TYR: variants seen among roughly 807,000 people sequenced by gnomAD.
The protein encoded by TYR is tyrosinase.
In TYR, 58 loss-of-function variants were observed where a neutral mutation model predicts 51.5. That is an observed-to-expected ratio of 1.13 (90% CI 0.91 to 1.40). The LOEUF (loss-of-function observed/expected upper bound fraction) is 1.40, where lower values mean the gene tolerates loss of function less well. Among genes scored for constraint, TYR ranks in the 40% most tolerant of loss-of-function variants. TYR has a pLI of 0.00. For synonymous variants in TYR, 263 were observed against 235.2 expected (o/e 1.12, Z -1.08); for missense variants, 732 against 647.4 (o/e 1.13, Z -1.42).
At chr11:89,195,414 C>G (rs1325848298) in intron 2 of TYR, among the ~76,000 whole-genome samples, 2 of 152,118 alleles carry the variant, frequency 1.3e-5, no homozygotes, top group Non-Finnish European at 2.9e-5. Flanking sequence ...TGTGGTGGCT[C>G]ACGCCTGTAA....
chr11:89,191,719 CA>C (rs554697715), intron 2 of TYR, among the ~76,000 whole-genome samples: 71 of 152,146 alleles, frequency 4.7e-4, no homozygotes, highest in African/African-American at 1.3e-3. Flanking sequence ...ATGATTGTGT[CA>C]CTGCATTCCA....
intron 3 of TYR, among the ~76,000 whole-genome samples, chr11:89,228,288 T>A (rs1041635572): frequency 6.6e-6 from 1 of 152,196 alleles, no homozygotes; most frequent in Non-Finnish European, 1.5e-5. Flanking sequence ...CCCTAGTTTG[T>A]CCTACCTTAA....
At chr11:89,220,241 A>G (rs993011884) in intron 2 of TYR, among the ~76,000 whole-genome samples, 4 of 152,134 alleles carry the variant, frequency 2.6e-5, no homozygotes, top group African/African-American at 7.2e-5. Flanking sequence ...GAAACTTACA[A>G]TTATGGTAGA....
At chr11:89,277,286 A>G (rs1052871142) in intron 3 of TYR, among the ~76,000 whole-genome samples, 1 of 151,806 alleles carries the variant, frequency 6.6e-6, no homozygotes, top group African/African-American at 2.4e-5. Flanking sequence ...TGGCCTTGCT[A>G]TTATACAACT....
chr11:89,198,461 A>T (rs1230576230), intron 2 of TYR, among the ~76,000 whole-genome samples: 1 of 151,808 alleles, frequency 6.6e-6, no homozygotes, highest in Non-Finnish European at 1.5e-5. Flanking sequence ...GACCAGGAAA[A>T]CCTTTCCGGG....
intron 2 of TYR, among the ~76,000 whole-genome samples, chr11:89,201,093 A>T (rs1425360675): frequency 6.6e-6 from 1 of 152,194 alleles, no homozygotes; most frequent in Non-Finnish European, 1.5e-5. Flanking sequence ...TCAAAATCAC[A>T]TTATTAATAT....
chr11:89,246,835 G>A (rs1329530940), intron 3 of TYR, among the ~76,000 whole-genome samples: 1 of 152,106 alleles, frequency 6.6e-6, no homozygotes, highest in Non-Finnish European at 1.5e-5. Flanking sequence ...CTTCAGGAAT[G>A]AACAGCAGAT....
intron 3 of TYR, among the ~76,000 whole-genome samples, chr11:89,268,889 C>T (rs76058594): frequency 0.02 from 3,080 of 151,950 alleles, 127 homozygotes; most frequent in African/African-American, 0.071. Flanking sequence ...TGTCAGTCTA[C>T]GCATTCTATG....
intron 3 of TYR, among the ~76,000 whole-genome samples, chr11:89,252,222 C>T (rs1239779546): frequency 6.6e-6 from 1 of 151,602 alleles, no homozygotes; most frequent in Non-Finnish European, 1.5e-5. Context: ...CAGTACCAAG[C>T]CAGAAAAATA....
At chr11:89,211,873 G>C (rs760857557) in intron 2 of TYR, among the ~76,000 whole-genome samples, 1 of 152,138 alleles carries the variant, frequency 6.6e-6, no homozygotes, top group Non-Finnish European at 1.5e-5. Context: ...AATGAAGGCA[G>C]AAATAAAGTT....
intron 3 of TYR, among the ~76,000 whole-genome samples, chr11:89,265,340 G>A (rs1944512812): frequency 6.6e-6 from 1 of 152,030 alleles, no homozygotes; most frequent in African/African-American, 2.4e-5. Flanking sequence ...AGAGGAGCTT[G>A]CTGATAAGAG....
chr11:89,213,629 G>A (rs1943792228), intron 2 of TYR, among the ~76,000 whole-genome samples: 1 of 152,034 alleles, frequency 6.6e-6, no homozygotes, highest in Non-Finnish European at 1.5e-5. Context: ...GCATATCCAA[G>A]ACAATTAATT....
At chr11:89,191,528 G>T (rs1277340836) in intron 2 of TYR, 110 bp downstream of exon 2, 2 of 1,041,102 alleles carry the variant, frequency 1.9e-6, no homozygotes, top group Non-Finnish European at 1.5e-6. Context: ...AGTTGACCAA[G>T]AATATGTGTT....
chr11:89,264,405 A>G (rs1189913229), intron 3 of TYR, among the ~76,000 whole-genome samples: 3 of 151,862 alleles, frequency 2.0e-5, no homozygotes, highest in African/African-American at 4.8e-5. Context: ...GTTCAGGGGT[A>G]CATGTGCAGG....
intron 3 of TYR, among the ~76,000 whole-genome samples, chr11:89,260,326 T>C (rs930985329): frequency 2.0e-5 from 3 of 151,648 alleles, no homozygotes; most frequent in African/African-American, 7.3e-5. Flanking sequence ...AACATATGTG[T>C]AACAGAAGTG....
intron 1 of TYR, among the ~76,000 whole-genome samples, chr11:89,184,622 G>C (rs1275028969): frequency 6.6e-6 from 1 of 152,144 alleles, no homozygotes; most frequent in African/African-American, 2.4e-5. Context: ...GGAACGTTAT[G>C]AGGTATAAGG....
intron 3 of TYR, among the ~76,000 whole-genome samples, chr11:89,236,720 A>C (rs529383427): frequency 6.6e-6 from 1 of 152,284 alleles, no homozygotes; most frequent in East Asian, 1.9e-4. Flanking sequence ...TTATTGGCAA[A>C]CTATGTACTG....
chr11:89,197,949 T>C (rs781270572), intron 2 of TYR, among the ~76,000 whole-genome samples: 2 of 152,204 alleles, frequency 1.3e-5, no homozygotes, highest in Non-Finnish European at 1.5e-5. Context: ...CAGCTCTTTT[T>C]GTTTCAATGT....
chr11:89,208,100 C>T (rs1422667694), intron 2 of TYR, among the ~76,000 whole-genome samples: 3 of 151,982 alleles, frequency 2.0e-5, no homozygotes, highest in Non-Finnish European at 4.4e-5. Flanking sequence ...AATCCCGTCT[C>T]TACTAAAAAT....
Sources: allele counts gnomAD v4.1 joint callset (sites outside exome capture counted in the v4.1 genomes callset), GRCh38; gene constraint gnomAD v4.1.1; transcripts MANE v1.5; gene names NCBI Gene and HGNC (gene_info 2026-07-23, HGNC 2026-07-21).